The following BORA variants were observed in gnomAD, a reference collection of about 807,000 sequenced individuals.
BORA encodes the protein protein aurora borealis.
BORA carries 26 observed loss-of-function variants against 55.8 expected under a neutral mutation model. The ratio of observed to expected loss-of-function variants is 0.47; its 90% confidence interval spans 0.34 to 0.65. The LOEUF is 0.65. Among genes scored for constraint, BORA ranks in the 30% least tolerant of loss-of-function variants. The pLI, the probability that BORA is intolerant of heterozygous loss-of-function variation, is 0.01. For synonymous variants in BORA, 201 were observed against 216.9 expected, an observed-to-expected ratio of 0.93 and a Z score of 0.64; for missense variants, 568 against 671.5, an observed-to-expected ratio of 0.85 and a Z score of 1.70.
At position 72,745,014 on chromosome 13, in the gene BORA, A is replaced by C. The variant is rs2033111452; in HGVS notation, c.545A>C (p.Gln182Pro). ...DYFRADEFAD[Q>P]SPGNLSSSSL... Reference sequence around the variant, plus strand: ...TTTAGAGCTGATGAATTTGCAGATCAATCTCCTGGAAACCTCAGTTCTTCA... The same window carrying C: ...TTTAGAGCTGATGAATTTGCAGATCCATCTCCTGGAAACCTCAGTTCTTCA... The change falls in exon 8 of 12, where the codon CAA becomes CCA. Residue 182 changes from glutamine (Q) to proline (P), a missense_variant. Coordinates refer to ENST00000390667, the MANE Select transcript of BORA (RefSeq NM_024808.5). 1 of 1,613,958 alleles carries C rather than the reference A, an allele frequency of 6.2e-7. No homozygotes were observed. Among genetic ancestry groups the C allele is most frequent in the Non-Finnish European group, 8.5e-7 (1 of 1,179,958 alleles).
At chr13:72,743,708 C>A in intron 6 of BORA, 106 bp downstream of exon 6, 1 of 785,136 alleles carries the variant, frequency 1.3e-6, no homozygotes, top group Non-Finnish European at 1.9e-6. Context: ...GAAATTGTTT[C>A]CTTTTTTTTT....
At chr13:72,728,151 A>AGAGT (rs1451726086) in intron 1 of BORA, 144 bp downstream of exon 1, 7 of 1,166,114 alleles carry the variant, frequency 6.0e-6, no homozygotes, top group Non-Finnish European at 7.5e-6. Context: ...GGCACCAGAA[A>AGAGT]GAGTGGCCAC....
intron 5 of BORA, among the ~76,000 whole-genome samples, chr13:72,742,776 ACACACAC>A (rs2033061168): frequency 1.6e-3 from 4 of 2,450 alleles, no homozygotes; most frequent in East Asian, 8.3e-3. Flanking sequence ...ATACACACAC[ACACACAC>A]ACACACACAC....
chr13:72,739,640 T>C (rs2032997295), intron 5 of BORA, among the ~76,000 whole-genome samples: 1 of 152,220 alleles, frequency 6.6e-6, no homozygotes, highest in Non-Finnish European at 1.5e-5. Flanking sequence ...CTTAAAAGAA[T>C]GGGATTTCCT....
intron 9 of BORA, 71 bp downstream of exon 9, chr13:72,746,147 T>A: frequency 7.5e-7 from 1 of 1,339,426 alleles, no homozygotes; most frequent in Non-Finnish European, 1.0e-6. Context: ...GAGGTTCTTT[T>A]AATTTGTCTT....
At chr13:72,728,291 A>G (rs984200594) in intron 1 of BORA, 7 of 652,084 alleles carry the variant, frequency 1.1e-5, no homozygotes, top group African/African-American at 7.2e-5. Flanking sequence ...TTTGATTGCA[A>G]GTAATGCAGT....
chr13:72,739,822 T>G (rs7984673), intron 5 of BORA, among the ~76,000 whole-genome samples: 57,672 of 152,016 alleles, frequency 0.38, 12,226 homozygotes, highest in Middle Eastern at 0.56. Flanking sequence ...ACAGCATACC[T>G]GAACACCACA....
chr13:72,728,453 A>T (rs868548616), intron 1 of BORA, among the ~76,000 whole-genome samples: 6 of 152,324 alleles, frequency 3.9e-5, no homozygotes, highest in Middle Eastern at 3.4e-3. Flanking sequence ...AAGCTTCCTC[A>T]TCTCTTACCT....
chr13:72,728,354 T>A, intron 1 of BORA: 1 of 601,564 alleles, frequency 1.7e-6, no homozygotes, highest in South Asian at 2.0e-5. Flanking sequence ...AAAGGAGGAT[T>A]TTTGGAGGAA....
chr13:72,728,798 C>A, intron 1 of BORA, 128 bp from the exon 2 acceptor site: 1 of 744,746 alleles, frequency 1.3e-6, no homozygotes, highest in Non-Finnish European at 2.0e-6. Context: ...TAAGCTGTAT[C>A]ATAGCCCCAA....
At chr13:72,743,329 G>A (rs2033073718) in intron 5 of BORA, among the ~76,000 whole-genome samples, 1 of 151,962 alleles carries the variant, frequency 6.6e-6, no homozygotes, top group Non-Finnish European at 1.5e-5. Flanking sequence ...CTCCTTATTT[G>A]CTGTGGTAAT....
intron 8 of BORA, 51 bp downstream of exon 8, chr13:72,745,258 C>A (rs1340931889): frequency 1.4e-6 from 2 of 1,474,734 alleles, no homozygotes; most frequent in East Asian, 2.3e-5. Flanking sequence ...AAGCTTGAAC[C>A]CACATTTTGT....
At position 72,746,597 on chromosome 13, in the gene BORA, G is replaced by A. The variant is rs749742158; in HGVS notation, c.968G>A (p.Gly323Asp). The A allele has an allele frequency of 6.2e-7, 1 of 1,614,048 alleles. No homozygotes were observed. Among genetic ancestry groups the A allele is most frequent in the South Asian group, 1.1e-5 (1 of 91,080 alleles). Residue 323 changes from glycine to aspartate, a missense_variant, in exon 10 of 12, where the codon GGC becomes GAC. Physicochemically the swap from Gly to Asp is moderately conservative, Grantham distance 94 (BLOSUM62 -1). Transcript: ENST00000390667. ...NPCIRSPYID[G>D]CSPIKNWSPM... ...TGTATCAGAAGTCCTTATATAGATGGCTGCTCGCCAATTAAAAATTGGTCT... is the reference window on the plus strand; with the variant it reads ...TGTATCAGAAGTCCTTATATAGATGACTGCTCGCCAATTAAAAATTGGTCT...
At chr13:72,752,641 T>C (rs1261826638) in intron 10 of BORA, 1 of 152,248 alleles carries the variant, frequency 6.6e-6, no homozygotes, top group Non-Finnish European at 1.5e-5. Context: ...TATTGAATGA[T>C]AGCAGAACAA....
chr13:72,741,886 T>C (rs1190539581), intron 5 of BORA, among the ~76,000 whole-genome samples: 3 of 152,108 alleles, frequency 2.0e-5, no homozygotes, highest in South Asian at 4.1e-4. Flanking sequence ...GAGATACCTG[T>C]TTCTTGTTTG....
chr13:72,730,344 A>T (rs182943586), intron 2 of BORA, among the ~76,000 whole-genome samples: 1 of 152,236 alleles, frequency 6.6e-6, no homozygotes, highest in South Asian at 2.1e-4. Context: ...CTTACTAAAA[A>T]TAAATAATAG....
At chr13:72,728,042 C>T (rs140385983) in intron 1 of BORA, 35 bp downstream of exon 1, 1 of 1,550,408 alleles carries the variant, frequency 6.4e-7, no homozygotes, top group African/African-American at 1.4e-5. Flanking sequence ...GGCCTTTCCT[C>T]CTGTCTGAAT....
intron 4 of BORA, among the ~76,000 whole-genome samples, chr13:72,736,868 G>T (rs1379318142): frequency 1.4e-5 from 1 of 70,926 alleles, no homozygotes; most frequent in East Asian, 5.2e-4. Context: ...CTTTAAAAAT[G>T]ACTTTTTTTT....
Position 72,745,070 on chromosome 13 carries a change from A to G in BORA, c.601A>G (p.Asn201Asp). The change falls in exon 8 of 12, where the codon AAC becomes GAC. Residue 201 changes from asparagine to aspartate, a missense_variant. Coordinates refer to ENST00000390667, the MANE Select transcript of BORA (RefSeq NM_024808.5). Reference protein sequence around the residue: ...SLRRKLFLDGNGSISDSLPSA... With the variant: ...SLRRKLFLDGDGSISDSLPSA... ...CAGAAGAAAGCTGTTTTTAGATGGG[A>G]ACGGAAGCATCTCCGACTCCTTACC... The G allele has an allele frequency of 6.2e-7, 1 of 1,614,126 alleles. No individual in the cohort carries two copies. The highest frequency in any genetic ancestry group is 1.1e-5 in the South Asian group (1 of 91,086).
Sources: allele counts gnomAD v4.1 joint callset (sites outside exome capture counted in the v4.1 genomes callset), GRCh38; gene constraint gnomAD v4.1.1; transcripts MANE v1.5; gene names NCBI Gene and HGNC (gene_info 2026-07-23, HGNC 2026-07-21).